Variants in RSF1 observed in about 807,000 individuals in gnomAD.
The protein encoded by RSF1 is remodeling and spacing factor 1.
RSF1 carries 13 observed loss-of-function variants against 145.2 expected under a neutral mutation model. The ratio of observed to expected loss-of-function variants is 0.09; its 90% CI spans 0.06 to 0.14. The LOEUF is 0.14. Ranked by LOEUF, RSF1 falls within the 10% of genes least tolerant of loss-of-function variation. The pLI is 1.00. For missense variants in RSF1, 1,517 were observed against 1,718.2 expected (o/e 0.88, Z 2.07); for synonymous variants, 577 against 592.6 (o/e 0.97, Z 0.38).
chr11:77,677,174 G>GC, intron 12 of RSF1, 175 bp from the exon 13 acceptor site: 1 of 602,710 alleles, frequency 1.7e-6, no homozygotes, highest in East Asian at 2.8e-5. Context: ...CAGAGTTTTA[G>GC]CATTCGTTTA....
intron 1 of RSF1, among the ~76,000 whole-genome samples, chr11:77,795,686 C>G (rs1191231851): frequency 6.6e-6 from 1 of 152,168 alleles, no homozygotes; most frequent in African/African-American, 2.4e-5. Flanking sequence ...AAAACTGGAC[C>G]TCTATTTCTC....
chr11:77,791,892 C>G (rs779916744), intron 1 of RSF1, among the ~76,000 whole-genome samples: 1 of 152,156 alleles, frequency 6.6e-6, no homozygotes, highest in African/African-American at 2.4e-5. Context: ...TTCCTTTGAG[C>G]CCTCCAAATG....
At chr11:77,843,418 G>A in the RSF1 span, among the ~76,000 whole-genome samples, 1 of 152,248 alleles carries the variant, frequency 6.6e-6, no homozygotes, top group South Asian at 2.1e-4. Flanking sequence ...AGGATGAGAG[G>A]CACTAAAGTC....
At position 77,764,794 on chromosome 11, in the gene RSF1, AACAG is replaced by A. The variant is rs143389892; in HGVS notation, c.188-109_188-106del. The stretch of plus-strand genomic sequence containing the variant: ...TCTCCAACCCTGGATACCTTCTCAA[AACAG>A]ACAGTGTTGATACTAGCTAACTTTT... On this transcript the variant is annotated intron_variant, in intron 1 of 15. Transcript: ENST00000308488. The A allele has an allele frequency of 1.3e-3, 929 of 734,610 alleles. 11 individuals are homozygous for A. The East Asian group carries it at 0.022, about 17-fold the overall frequency. The allele number at this position is 734,610 out of a possible 1,614,324, so 45.5% of individuals were successfully genotyped here.
chr11:77,733,785 C>T (rs1041274758), intron 4 of RSF1, among the ~76,000 whole-genome samples: 14 of 152,162 alleles, frequency 9.2e-5, no homozygotes, highest in African/African-American at 3.1e-4. Flanking sequence ...AGGTCTCCAA[C>T]TGCTGGGTTC....
intron 15 of RSF1, among the ~76,000 whole-genome samples, chr11:77,669,936 C>T (rs1332089910): frequency 6.6e-6 from 1 of 152,120 alleles, no homozygotes; most frequent in East Asian, 1.9e-4. Flanking sequence ...TAAGGTCAGC[C>T]AGGGCAACAC....
At chr11:77,677,917 C>T (rs1366033012) in intron 12 of RSF1, among the ~76,000 whole-genome samples, 169 bp downstream of exon 12, 2 of 152,178 alleles carry the variant, frequency 1.3e-5, no homozygotes, top group East Asian at 3.8e-4. Flanking sequence ...AGTCTATACA[C>T]TGACATTGTA....
chr11:77,801,401 C>G (rs1948625108), intron 1 of RSF1, among the ~76,000 whole-genome samples: 1 of 152,206 alleles, frequency 6.6e-6, no homozygotes, highest in Non-Finnish European at 1.5e-5. Flanking sequence ...GCACTCCAGC[C>G]TGGGCAAAAC....
intron 1 of RSF1, among the ~76,000 whole-genome samples, chr11:77,769,147 T>C (rs989333341): frequency 1.3e-5 from 2 of 152,170 alleles, no homozygotes; most frequent in Admixed American, 6.5e-5. Context: ...AACCTCCACC[T>C]CCTGGGTTCA....
intron 14 of RSF1, among the ~76,000 whole-genome samples, chr11:77,674,574 T>C (rs924035539): frequency 1.3e-5 from 2 of 152,258 alleles, no homozygotes; most frequent in Non-Finnish European, 2.9e-5. Context: ...ACAATCCTAC[T>C]AGGCATCTGA....
chr11:77,731,034 T>C (rs948162234), intron 4 of RSF1, among the ~76,000 whole-genome samples: 2 of 151,750 alleles, frequency 1.3e-5, no homozygotes, highest in Non-Finnish European at 2.9e-5. Context: ...AAGGCAGAGG[T>C]TGGAAGAGTT....
intron 10 of RSF1, 56 bp from the exon 11 acceptor site, chr11:77,683,875 T>C (rs1959933829): frequency 7.3e-7 from 1 of 1,366,284 alleles, no homozygotes; most frequent in African/African-American, 1.4e-5. Context: ...ACAAAGTTCC[T>C]TGGGATAAAC....
chr11:77,852,266 AAAAG>A, the RSF1 span, among the ~76,000 whole-genome samples: 1 of 150,906 alleles, frequency 6.6e-6, no homozygotes, highest in Non-Finnish European at 1.5e-5. Context: ...AGTTCAAAGA[AAAAG>A]AAAGAAAAAG....
chr11:77,869,565 C>A, the RSF1 span: 1 of 616,792 alleles, frequency 1.6e-6, no homozygotes, highest in Non-Finnish European at 2.8e-6. Flanking sequence ...GATCCTGCCT[C>A]GTCAGCCTTC....
chr11:77,729,825 A>G (rs1961153155), intron 4 of RSF1, among the ~76,000 whole-genome samples: 1 of 147,976 alleles, frequency 6.8e-6, no homozygotes. Context: ...TAAATATTTT[A>G]AATATATGAT....
At chr11:77,680,790 G>A (rs1028580337) in intron 11 of RSF1, among the ~76,000 whole-genome samples, 5 of 152,196 alleles carry the variant, frequency 3.3e-5, no homozygotes, top group African/African-American at 1.2e-4. Context: ...TAGCTGCAGT[G>A]TGGATTTGTC....
upstream of RSF1, among the ~76,000 whole-genome samples, chr11:77,823,019 T>C (rs957707617): frequency 1.3e-5 from 2 of 151,922 alleles, no homozygotes; most frequent in African/African-American, 2.4e-5. Context: ...ATCAAGACCA[T>C]CCTGGCTAAC....
chr11:77,768,629 A>G (rs1948251019), intron 1 of RSF1, among the ~76,000 whole-genome samples: 2 of 152,180 alleles, frequency 1.3e-5, no homozygotes. Context: ...TGTACTGGAT[A>G]GCACTGCATA....
the RSF1 span, among the ~76,000 whole-genome samples, chr11:77,870,494 G>A: frequency 1.3e-5 from 2 of 151,198 alleles, no homozygotes; most frequent in African/African-American, 2.4e-5. Context: ...CCACCACCAC[G>A]CCTGGCTAAT....
Sources: gnomAD v4.1 joint callset for allele counts (sites outside exome capture counted in the v4.1 genomes callset) on GRCh38, gnomAD v4.1.1 for gene constraint, MANE v1.5 for transcripts, NCBI Gene and HGNC (gene_info 2026-07-23, HGNC 2026-07-21) for gene names.